The following TENM2 variants were observed in gnomAD, a reference collection of about 807,000 sequenced individuals.
TENM2 encodes the protein teneurin-2.
TENM2 carries 52 observed loss-of-function variants against 245.2 expected under a neutral mutation model. The observed-to-expected ratio is 0.21, with a 90% confidence interval of 0.17 to 0.27. The LOEUF is 0.27. TENM2 is among the 10% of genes least tolerant of loss of function. TENM2 has a pLI of 1.00. For missense variants in TENM2, 3,046 were observed against 3,666.8 expected, an observed-to-expected ratio of 0.83 and a Z score of 4.37; for synonymous variants, 1,363 against 1,438.9, an observed-to-expected ratio of 0.95 and a Z score of 1.19.
chr5:167,204,583 T>G, the TENM2 span, among the ~76,000 whole-genome samples: 2 of 152,206 alleles, frequency 1.3e-5, no homozygotes, highest in Non-Finnish European at 2.9e-5. Context: ...AGGGACAACA[T>G]TTCCAGCGTC....
chr5:167,591,032 T>G (rs1232320081), intron 2 of TENM2, among the ~76,000 whole-genome samples: 8 of 152,194 alleles, frequency 5.3e-5, no homozygotes, highest in Non-Finnish European at 1.5e-5. Flanking sequence ...ATATGGTTGG[T>G]CTTTATACAT....
intron 2 of TENM2, among the ~76,000 whole-genome samples, chr5:167,826,589 A>G (rs1405325871): frequency 6.6e-6 from 1 of 152,190 alleles, no homozygotes; most frequent in African/African-American, 2.4e-5. Flanking sequence ...CTGACACATA[A>G]TACTTTACTA....
chr5:167,462,110 C>G (rs1473777427), intron 2 of TENM2, among the ~76,000 whole-genome samples: 7 of 151,842 alleles, frequency 4.6e-5, no homozygotes, highest in Non-Finnish European at 7.4e-5. Context: ...TACATACACA[C>G]ATGCACAAAC....
At chr5:167,981,979 CAAAAAAAAA>C (rs58295569) in intron 4 of TENM2, among the ~76,000 whole-genome samples, 3 of 100,776 alleles carry the variant, frequency 3.0e-5, no homozygotes, top group Non-Finnish European at 4.2e-5. Flanking sequence ...TGTTTCAGAC[CAAAAAAAAA>C]AAAAAAAGAA....
intron 1 of TENM2, among the ~76,000 whole-genome samples, chr5:167,308,602 C>T (rs1026213847): frequency 3.3e-5 from 5 of 152,294 alleles, no homozygotes; most frequent in Admixed American, 6.5e-5. Context: ...TCAGGCCGCA[C>T]TGCCCAGCAG....
At position 167,751,988 on chromosome 5, in the gene TENM2, G is replaced by A. The variant is rs182072589; in HGVS notation, c.503-123998G>A. ...CACACACACACACATGCGCGCACAC[G>A]ATTGTGCAAATAAATATGGGTATGA... On this transcript the variant is annotated intron_variant, in intron 2 of 28. Coordinates refer to ENST00000518659, the Ensembl canonical transcript of TENM2. Among the ~76,000 whole-genome samples the A allele has an allele frequency of 3.3e-4, 50 of 151,812 alleles. 1 individual carries two copies. Among genetic ancestry groups the A allele is most frequent in the Admixed American group, 1.4e-3 (21 of 15,218 alleles).
At chr5:167,397,908 C>G (rs1762149665) in intron 2 of TENM2, among the ~76,000 whole-genome samples, 1 of 152,094 alleles carries the variant, frequency 6.6e-6, no homozygotes, top group Admixed American at 6.6e-5. Flanking sequence ...ACTATCTCTC[C>G]TAGGAAAACT....
chr5:168,146,370 G>C (rs562865997), intron 12 of TENM2, among the ~76,000 whole-genome samples: 28 of 152,270 alleles, frequency 1.8e-4, no homozygotes, highest in African/African-American at 6.7e-4. Context: ...TAACCTGGTA[G>C]AAGAGATGAT....
chr5:167,034,616 C>A, the TENM2 span, among the ~76,000 whole-genome samples: 1 of 112,598 alleles, frequency 8.9e-6, no homozygotes, highest in Non-Finnish European at 1.6e-5. Context: ...GGCGACAGAG[C>A]GAGACTCCGT....
chr5:167,847,334 C>A (rs2151188607), intron 2 of TENM2, among the ~76,000 whole-genome samples: 1 of 152,334 alleles, frequency 6.6e-6, no homozygotes, highest in African/African-American at 2.4e-5. Context: ...ATGCCTCCAC[C>A]CACAGTGAAC....
chr5:167,856,530 A>G (rs923464963), intron 2 of TENM2, among the ~76,000 whole-genome samples: 5 of 152,222 alleles, frequency 3.3e-5, no homozygotes, highest in Admixed American at 3.3e-4. Flanking sequence ...TCCTCTAAGG[A>G]TGCATGAATC....
chr5:167,677,627 A>G (rs1393580312), intron 2 of TENM2, among the ~76,000 whole-genome samples: 1 of 151,432 alleles, frequency 6.6e-6, no homozygotes, highest in Admixed American at 6.6e-5. Flanking sequence ...TCTTGCTTTC[A>G]ACATAGATTT....
In TENM2 at chr5:168,210,657, A is replaced by G. The variant is rs192121340; in HGVS notation, c.3825-1077A>G. On this transcript the variant is annotated intron_variant, in intron 19 of 28. Coordinates refer to ENST00000518659, the Ensembl canonical transcript of TENM2. ...AAACTAACACATTGGAATAAAATATAAAAACGTAATCCCTGTGCAAACCCA... is the reference window on the plus strand; with the variant it reads ...AAACTAACACATTGGAATAAAATATGAAAACGTAATCCCTGTGCAAACCCA... Among the ~76,000 whole-genome samples, 1,429 of 151,946 alleles carry G rather than the reference A, an allele frequency of 9.4e-3. 15 individuals are homozygous for G. The highest frequency in any genetic ancestry group is 0.013 in the Non-Finnish European group (857 of 67,978).
At chr5:168,121,568 G>A (rs974048920) in intron 10 of TENM2, among the ~76,000 whole-genome samples, 1 of 152,246 alleles carries the variant, frequency 6.6e-6, no homozygotes, top group East Asian at 1.9e-4. Flanking sequence ...TAGTACCGGC[G>A]CTAATAAATC....
chr5:167,300,984 A>C, intron 1 of TENM2, among the ~76,000 whole-genome samples: 1 of 152,152 alleles, frequency 6.6e-6, no homozygotes, highest in East Asian at 1.9e-4. Flanking sequence ...CAATACCTAC[A>C]ACAGTTATGG....
chr5:167,545,476 CT>C (rs914105952), intron 2 of TENM2, among the ~76,000 whole-genome samples: 1 of 152,162 alleles, frequency 6.6e-6, no homozygotes, highest in Admixed American at 6.6e-5. Context: ...AGGGCAGAAT[CT>C]TGCTAGATAA....
chr5:167,753,595 T>C (rs1762098894), intron 2 of TENM2, among the ~76,000 whole-genome samples: 1 of 152,206 alleles, frequency 6.6e-6, no homozygotes, highest in South Asian at 2.1e-4. Flanking sequence ...CTGTTATTAT[T>C]TCCATATTAC....
the TENM2 span, among the ~76,000 whole-genome samples, chr5:167,041,052 G>A: frequency 6.6e-6 from 1 of 152,158 alleles, no homozygotes; most frequent in African/African-American, 2.4e-5. Flanking sequence ...GATGTTTGCT[G>A]AAAAGGGAGC....
chr5:167,125,343 G>A, the TENM2 span, among the ~76,000 whole-genome samples: 1 of 152,218 alleles, frequency 6.6e-6, no homozygotes, highest in East Asian at 1.9e-4. Context: ...GATGCACTCT[G>A]CAAATGCAAA....
Sources: allele counts gnomAD v4.1 joint callset (sites outside exome capture counted in the v4.1 genomes callset), GRCh38; gene constraint gnomAD v4.1.1; transcripts MANE v1.5; gene names NCBI Gene and HGNC (gene_info 2026-07-23, HGNC 2026-07-21).